The following CCDC192 variants were observed in gnomAD, a reference collection of about 807,000 sequenced individuals.
CCDC192 encodes the protein coiled-coil domain containing 192, also known as coiled-coil domain-containing protein 192.
chr5:127,706,981 C>CAG (rs1223051657), intron 1 of CCDC192, among the ~76,000 whole-genome samples: 1 of 152,086 alleles, frequency 6.6e-6, no homozygotes, highest in African/African-American at 2.4e-5. Context: ...GAAAGTATTT[C>CAG]AGAGAGAGAG....
Position 127,787,695 on chromosome 5 carries a change from T to A in CCDC192, c.223-9408T>A, listed in dbSNP as rs540097497. 1.7e-4 allele frequency among the ~76,000 whole-genome samples: 26 copies of A among 152,332 alleles called. No homozygotes were observed. The South Asian group carries it at 5.0e-3, about 29-fold the overall frequency. On this transcript the variant is annotated intron_variant, in intron 3 of 6. Transcript: ENST00000514853. ...CTTCATGTGCACTTGAAAAAATGTA[T>A]ATTTTTCTGTTGTTTTGTGGATTGT...
intron 5 of CCDC192, among the ~76,000 whole-genome samples, chr5:127,830,224 T>A (rs1241016992): frequency 1.3e-5 from 2 of 152,158 alleles, no homozygotes; most frequent in Non-Finnish European, 2.9e-5. Context: ...TGATTTTTAG[T>A]CAAGAGTTTG....
chr5:127,860,619 A>G (rs562825047), intron 5 of CCDC192, among the ~76,000 whole-genome samples: 9 of 152,344 alleles, frequency 5.9e-5, no homozygotes, highest in East Asian at 3.9e-4. Context: ...AAAGAGAGCT[A>G]TTGAGCAAAG....
intron 2 of CCDC192, among the ~76,000 whole-genome samples, chr5:127,743,088 G>C (rs1753514799): frequency 6.6e-6 from 1 of 152,040 alleles, no homozygotes; most frequent in Non-Finnish European, 1.5e-5. Context: ...GCCCAAGAGA[G>C]ACACAGACAG....
At chr5:127,804,337 T>G (rs1757666673) in intron 5 of CCDC192, among the ~76,000 whole-genome samples, 1 of 152,164 alleles carries the variant, frequency 6.6e-6, no homozygotes, top group South Asian at 2.1e-4. Context: ...GGCCTGTCAT[T>G]CAAAGAACTC....
At chr5:127,787,910 CATCAATTCTAAAA>C (rs1468230409) in intron 3 of CCDC192, among the ~76,000 whole-genome samples, 6 of 152,002 alleles carry the variant, frequency 3.9e-5, no homozygotes, top group African/African-American at 1.5e-4. Flanking sequence ...GGCAAAACCT[CATCAATTCTAAAA>C]ATACAAAAAT....
At chr5:127,896,159 G>A (rs1732078430) in intron 6 of CCDC192, among the ~76,000 whole-genome samples, 1 of 151,998 alleles carries the variant, frequency 6.6e-6, no homozygotes, top group African/African-American at 2.4e-5. Flanking sequence ...TCACTTTCAG[G>A]TGGGTGTGGT....
chr5:127,867,900 C>G (rs1424037564), intron 5 of CCDC192, among the ~76,000 whole-genome samples: 3 of 152,124 alleles, frequency 2.0e-5, no homozygotes, highest in Non-Finnish European at 4.4e-5. Context: ...AAGAAAAGAA[C>G]CTGCAAGTAG....
At chr5:127,812,664 C>T (rs150009513) in intron 5 of CCDC192, among the ~76,000 whole-genome samples, 8 of 152,254 alleles carry the variant, frequency 5.3e-5, no homozygotes, top group African/African-American at 1.7e-4. Context: ...TTTCTGTGCA[C>T]GAGGAGAGCA....
intron 5 of CCDC192, chr5:127,838,405 C>T (rs959478769): frequency 6.6e-6 from 1 of 152,262 alleles, no homozygotes; most frequent in Middle Eastern, 3.4e-3. Context: ...AATACCTCTT[C>T]GTCTTCAGGG....
chr5:127,903,153 A>AG (rs1005667551), intron 6 of CCDC192, among the ~76,000 whole-genome samples: 6 of 152,128 alleles, frequency 3.9e-5, no homozygotes, highest in Admixed American at 3.3e-4. Flanking sequence ...CCACACTTGC[A>AG]GGGTACATGG....
chr5:127,825,023 A>G (rs921380132), intron 5 of CCDC192, among the ~76,000 whole-genome samples: 4 of 152,226 alleles, frequency 2.6e-5, no homozygotes, highest in African/African-American at 9.6e-5. Context: ...GGAATGCCAC[A>G]ATAGCGCTGT....
In CCDC192 at chr5:127,757,804, T is replaced by A. The variant is rs1395596720; in HGVS notation, c.222+3429T>A. ...CACACACACACACACACACACTCTC[T>A]CTCTCTCTCTCTCTCAATCTGTGTG... On this transcript the variant is annotated intron_variant, in intron 3 of 6. Coordinates refer to ENST00000514853, the MANE Select transcript of CCDC192 (RefSeq NM_001317938.2). Among the ~76,000 whole-genome samples the A allele has an allele frequency of 5.0e-3, 666 of 133,572 alleles. 3 individuals are homozygous for A. The highest frequency in any genetic ancestry group is 0.018 in the African/African-American group (535 of 29,422). 87.6% of individuals were successfully genotyped at this position (133,572 alleles called of 152,430 possible). A position where few individuals can be genotyped will look rare whatever the true frequency, so the allele number is the denominator to read the frequency against.
At chr5:127,934,900 A>C (rs954947946) in intron 6 of CCDC192, among the ~76,000 whole-genome samples, 3 of 152,206 alleles carry the variant, frequency 2.0e-5, no homozygotes, top group Non-Finnish European at 4.4e-5. Flanking sequence ...AACCAGCCCC[A>C]TAGTGAGTCA....
chr5:127,757,276 G>A (rs890612768), intron 3 of CCDC192, among the ~76,000 whole-genome samples: 3 of 152,186 alleles, frequency 2.0e-5, no homozygotes, highest in African/African-American at 4.8e-5. Context: ...TCTTGAAGTT[G>A]CCAAATTTGC....
chr5:127,872,320 T>C (rs1751897046), intron 5 of CCDC192, among the ~76,000 whole-genome samples: 1 of 152,236 alleles, frequency 6.6e-6, no homozygotes, highest in Non-Finnish European at 1.5e-5. Flanking sequence ...GATATTTTGG[T>C]TCACATTATC....
At chr5:127,794,748 A>G (rs1391438263) in intron 3 of CCDC192, among the ~76,000 whole-genome samples, 2 of 152,200 alleles carry the variant, frequency 1.3e-5, no homozygotes, top group African/African-American at 2.4e-5. Flanking sequence ...CTTTCAAACA[A>G]TAGAAGGTAG....
chr5:127,894,413 G>A (rs1475933224), intron 6 of CCDC192, among the ~76,000 whole-genome samples: 3 of 151,854 alleles, frequency 2.0e-5, no homozygotes, highest in South Asian at 2.1e-4. Flanking sequence ...GGATGGTCTC[G>A]ATCTCCTGAC....
At chr5:127,762,128 C>T (rs1446060335) in intron 3 of CCDC192, among the ~76,000 whole-genome samples, 1 of 152,016 alleles carries the variant, frequency 6.6e-6, no homozygotes, top group African/African-American at 2.4e-5. Flanking sequence ...AAACAATGTG[C>T]CCTTGGTAGG....
Sources: gnomAD v4.1 joint callset for allele counts (sites outside exome capture counted in the v4.1 genomes callset) on GRCh38, gnomAD v4.1.1 for gene constraint, MANE v1.5 for transcripts, NCBI Gene and HGNC (gene_info 2026-07-23, HGNC 2026-07-21) for gene names.